The following TENM3 variants were observed in gnomAD, a reference collection of about 807,000 sequenced individuals.
The protein encoded by TENM3 is teneurin-3.
A neutral mutation model predicts 255.1 loss-of-function variants in TENM3; 63 were observed. The ratio of observed to expected loss-of-function variants is 0.25; its 90% CI spans 0.20 to 0.30. TENM3 has a LOEUF of 0.30. TENM3 is among the 10% of genes least tolerant of loss of function. The pLI is 1.00. For synonymous variants in TENM3, 1,306 were observed against 1,322.3 expected (o/e 0.99, Z 0.27); for missense variants, 2,929 against 3,461.1 (o/e 0.85, Z 3.86).
chr4:182,664,930 A>G (rs1296008005), intron 6 of TENM3, among the ~76,000 whole-genome samples: 1 of 152,256 alleles, frequency 6.6e-6, no homozygotes, highest in Non-Finnish European at 1.5e-5. Flanking sequence ...CAACATAAAA[A>G]TGCAAGGTGA....
At chr4:181,523,128 G>T in the TENM3 span, 12 of 419,742 alleles carry the variant, frequency 2.9e-5, no homozygotes, top group Non-Finnish European at 5.6e-5. Context: ...TCATGTATTT[G>T]TACTAGTGAA....
the TENM3 span, among the ~76,000 whole-genome samples, chr4:182,121,398 A>G: frequency 6.6e-6 from 1 of 152,194 alleles, no homozygotes; most frequent in Non-Finnish European, 1.5e-5. Context: ...GGCTATTGCA[A>G]TAACATAGGC....
the TENM3 span, among the ~76,000 whole-genome samples, chr4:182,078,538 C>CA: frequency 3.9e-5 from 6 of 151,948 alleles, no homozygotes; most frequent in South Asian, 1.2e-3. Flanking sequence ...AAAACAAAAA[C>CA]AAAAAAACAA....
the TENM3 span, among the ~76,000 whole-genome samples, chr4:182,087,104 C>A: frequency 1.3e-5 from 2 of 152,178 alleles, no homozygotes; most frequent in African/African-American, 4.8e-5. Context: ...TGGGCACAAA[C>A]CCCCTTAGCT....
chr4:182,376,726 CA>C (rs1767201857), intron 3 of TENM3, among the ~76,000 whole-genome samples: 1 of 151,550 alleles, frequency 6.6e-6, no homozygotes, highest in Admixed American at 6.6e-5. Context: ...CCATTGGACC[CA>C]TTTTTTTTTT....
At chr4:181,639,900 G>A in the TENM3 span, among the ~76,000 whole-genome samples, 666 of 152,292 alleles carry the variant, frequency 4.4e-3, 4 homozygotes, top group African/African-American at 0.015. Context: ...CAGCCCCTGC[G>A]TGTGTGGGCG....
chr4:182,155,859 G>A (rs1258194412), intron 1 of TENM3, among the ~76,000 whole-genome samples: 1 of 151,974 alleles, frequency 6.6e-6, no homozygotes, highest in Non-Finnish European at 1.5e-5. Context: ...TTTCAATTTA[G>A]AGTTTAGAAG....
At chr4:182,373,794 A>G (rs947185630) in intron 3 of TENM3, among the ~76,000 whole-genome samples, 10 of 152,304 alleles carry the variant, frequency 6.6e-5, no homozygotes, top group African/African-American at 2.4e-4. Context: ...GCCCCCTACT[A>G]AGGGGAATTG....
chr4:182,210,262 A>G (rs1356853543), intron 1 of TENM3, among the ~76,000 whole-genome samples: 1 of 151,942 alleles, frequency 6.6e-6, no homozygotes, highest in East Asian at 1.9e-4. Context: ...ATTTCACTTC[A>G]CTTGGATTGC....
the TENM3 span, among the ~76,000 whole-genome samples, chr4:181,608,321 T>G: frequency 6.6e-6 from 1 of 152,176 alleles, no homozygotes; most frequent in African/African-American, 2.4e-5. Context: ...ATTTGCATTG[T>G]TTTGACAAAT....
chr4:182,138,568 A>AC, the TENM3 span, among the ~76,000 whole-genome samples: 2 of 152,112 alleles, frequency 1.3e-5, no homozygotes, highest in East Asian at 3.9e-4. Context: ...TACCAGCTGA[A>AC]CCCTTGTCTT....
At position 182,465,091 on chromosome 4, in the gene TENM3, A is replaced by G. The variant is rs576086055; in HGVS notation, c.511+118162A>G. The stretch of plus-strand genomic sequence containing the variant: ...AAGGGTATGTTGATTAATAACTCTT[A>G]GGAGAGTTGCATAAAATATTTTCTC... On this transcript the variant is annotated intron_variant, in intron 3 of 27. Coordinates refer to ENST00000511685, the MANE Select transcript of TENM3 (RefSeq NM_001080477.4). 2.1e-4 allele frequency among the ~76,000 whole-genome samples: 32 copies of G among 152,306 alleles called. No homozygotes were observed. The South Asian group carries it at 6.6e-3, about 32-fold the overall frequency.
intron 3 of TENM3, among the ~76,000 whole-genome samples, chr4:182,544,398 T>C (rs1417868097): frequency 6.8e-6 from 1 of 147,390 alleles, no homozygotes; most frequent in African/African-American, 2.5e-5. Context: ...TGGTGTGATC[T>C]TGGCTCACTG....
At chr4:181,700,706 A>G in the TENM3 span, among the ~76,000 whole-genome samples, 1 of 152,192 alleles carries the variant, frequency 6.6e-6, no homozygotes, top group Non-Finnish European at 1.5e-5. Flanking sequence ...ATATTTCAAA[A>G]AGTAAAGTCC....
intron 12 of TENM3, among the ~76,000 whole-genome samples, chr4:182,695,971 C>G (rs1027123780): frequency 1.3e-5 from 2 of 152,170 alleles, no homozygotes; most frequent in Non-Finnish European, 2.9e-5. Context: ...TGTGAAATCA[C>G]ATGTGTTACT....
chr4:181,970,749 C>T, the TENM3 span, among the ~76,000 whole-genome samples: 8 of 152,144 alleles, frequency 5.3e-5, no homozygotes, highest in Non-Finnish European at 1.2e-4. Flanking sequence ...GCGGCTCAAA[C>T]AATGGTATGA....
intron 1 of TENM3, among the ~76,000 whole-genome samples, chr4:182,182,640 A>G (rs1029834274): frequency 7.9e-5 from 12 of 152,190 alleles, no homozygotes; most frequent in African/African-American, 2.9e-4. Context: ...TAAGGCCATG[A>G]CTTTGAACCT....
At chr4:182,608,115 TCTTTA>T (rs1748610339) in intron 4 of TENM3, among the ~76,000 whole-genome samples, 1 of 152,236 alleles carries the variant, frequency 6.6e-6, no homozygotes, top group South Asian at 2.1e-4. Flanking sequence ...GTCTCAGTCC[TCTTTA>T]CTTGTGTATG....
chr4:181,708,928 G>A, the TENM3 span, among the ~76,000 whole-genome samples: 5 of 152,164 alleles, frequency 3.3e-5, no homozygotes, highest in African/African-American at 1.2e-4. Flanking sequence ...CTGAGATAGG[G>A]CTAAAATGTA....
Sources: gnomAD v4.1 joint callset for allele counts (sites outside exome capture counted in the v4.1 genomes callset) on GRCh38, gnomAD v4.1.1 for gene constraint, MANE v1.5 for transcripts, NCBI Gene and HGNC (gene_info 2026-07-23, HGNC 2026-07-21) for gene names.